NCR3LG1: variants seen among roughly 807,000 people sequenced by gnomAD.
NCR3LG1 encodes the protein natural cytotoxicity triggering receptor 3 ligand 1.
NCR3LG1 carries 35 observed loss-of-function variants against 34.8 expected under a neutral mutation model. The observed-to-expected ratio is 1.01, with a 90% CI of 0.77 to 1.33. The LOEUF (loss-of-function observed/expected upper bound fraction) is 1.33, where lower values mean the gene tolerates loss of function less well. Ranked by LOEUF, NCR3LG1 falls within the 40% of genes most tolerant of loss-of-function variation. NCR3LG1 has a pLI of 0.00. For synonymous variants in NCR3LG1, 173 were observed against 163.6 expected, an observed-to-expected ratio of 1.06 and a Z score of -0.44; for missense variants, 452 against 423.3, an observed-to-expected ratio of 1.07 and a Z score of -0.60.
At chr11:17,352,097 G>T in intron 1 of NCR3LG1, 58 bp downstream of exon 1, 2 of 1,284,686 alleles carry the variant, frequency 1.6e-6, no homozygotes, top group Non-Finnish European at 2.1e-6. Context: ...GGGTCCTCGC[G>T]GGTCGGCTCC....
chr11:17,367,089 T>C lies in NCR3LG1; in HGVS notation c.502T>C (p.Phe168Leu). The C allele has an allele frequency of 6.5e-7, 1 of 1,536,224 alleles. No individual in the cohort carries two copies. The highest frequency in any genetic ancestry group is 8.7e-7 in the Non-Finnish European group (1 of 1,146,918). The part of the protein sequence containing the change: ...EDKYMCESSG[F>L]YPEAINITWE... The stretch of plus-strand genomic sequence containing the variant: ...CAAATATATGTGTGAGTCAAGTGGG[T>C]TCTACCCAGAGGCTATTAATATAAC... Residue 168 changes from phenylalanine to leucine, a missense_variant, in exon 3 of 5, where the codon TTC becomes CTC. Physicochemically the swap from Phe to Leu is conservative, Grantham distance 22. Coordinates refer to ENST00000338965, the MANE Select transcript of NCR3LG1 (RefSeq NM_001202439.3).
intron 4 of NCR3LG1, among the ~76,000 whole-genome samples, chr11:17,369,481 G>A (rs1341624356): frequency 6.6e-6 from 1 of 152,120 alleles, no homozygotes; most frequent in Non-Finnish European, 1.5e-5. Context: ...CCCTGACTAT[G>A]GCCCAAATAG....
downstream of NCR3LG1, among the ~76,000 whole-genome samples, chr11:17,378,061 C>T (rs900681073): frequency 1.3e-5 from 2 of 152,144 alleles, no homozygotes; most frequent in African/African-American, 4.8e-5. Flanking sequence ...AAAATCAGTA[C>T]TTAATATTTC....
At position 17,372,349 on chromosome 11, in the gene NCR3LG1, A is replaced by C. The variant is rs1338366155; in HGVS notation, c.1202A>C (p.Asn401Thr). Residue 401 changes from asparagine to threonine, a missense_variant, in exon 5 of 5, where the codon AAT (asparagine) becomes ACT (threonine). By Grantham distance (65) the Asn-to-Thr change is moderately conservative. Transcript: ENST00000338965. ...ACATCAGGCAAGTCCATAGATGATA[A>C]TTCCACAAAGTCTGAGAAACAAACC... The part of the protein sequence containing the change: ...TVTSGKSIDD[N>T]STKSEKQTPR... 1 of 703,068 alleles carries C rather than the reference A, an allele frequency of 1.4e-6. No homozygotes were observed. The highest frequency in any genetic ancestry group is 2.7e-5 in the East Asian group (1 of 37,282). The allele number at this position is 703,068 out of a possible 1,614,324, so 43.6% of individuals were successfully genotyped here.
In NCR3LG1 at chr11:17,375,826, A is replaced by C. The variant is rs1953470399; in HGVS notation, c.*3314A>C. On this transcript the variant is annotated 3_prime_UTR_variant, in exon 5 of 5. Coordinates refer to ENST00000338965, the MANE Select transcript of NCR3LG1 (RefSeq NM_001202439.3). ...CCCTCTGATTTGGGAGGGCTACATA[A>C]GGGAAATAAAGCCTCAGTATTCCCC... The C allele has an allele frequency of 1.3e-5, 2 of 152,156 alleles. No individual in the cohort carries two copies. Among genetic ancestry groups the C allele is most frequent in the African/African-American group, 4.8e-5 (2 of 41,428 alleles). The allele number at this position is 152,156 out of a possible 1,614,324, so 9.4% of individuals were successfully genotyped here.
At chr11:17,379,478 G>T (rs368963350), downstream of NCR3LG1, among the ~76,000 whole-genome samples, 1 of 152,288 alleles carries the variant, frequency 6.6e-6, no homozygotes, top group East Asian at 1.9e-4. Flanking sequence ...CAGTGAAGGC[G>T]TGCCAGTTCC....
rs910764095 is a variant in NCR3LG1 at position 17,376,982 on chromosome 11, C to A, written c.*4470C>A. ...TCTGGGTAACCACCCTGACACATGGCACTATAATGTAAAAAACAACACATA... is the reference window on the plus strand; with the variant it reads ...TCTGGGTAACCACCCTGACACATGGAACTATAATGTAAAAAACAACACATA... On this transcript the variant is annotated 3_prime_UTR_variant, in exon 5 of 5. Coordinates refer to ENST00000338965, the MANE Select transcript of NCR3LG1 (RefSeq NM_001202439.3). 2 of 152,102 alleles carry A rather than the reference C, an allele frequency of 1.3e-5. No homozygotes were observed. The highest frequency in any genetic ancestry group is 1.3e-4 in the Admixed American group (2 of 15,250). The allele number at this position is 152,102 out of a possible 1,614,324, so 9.4% of individuals were successfully genotyped here.
At chr11:17,357,102 A>G in intron 2 of NCR3LG1, 101 bp downstream of exon 2, 2 of 799,372 alleles carry the variant, frequency 2.5e-6, no homozygotes, top group Non-Finnish European at 3.8e-6. Flanking sequence ...GTATTATAAA[A>G]TGGTCTGATA....
chr11:17,379,267 A>G (rs149524727), downstream of NCR3LG1, among the ~76,000 whole-genome samples: 85 of 152,324 alleles, frequency 5.6e-4, 2 homozygotes, highest in East Asian at 0.016. Context: ...CTGTAAAACT[A>G]TCAGTTTATT....
rs938030140 is a variant in NCR3LG1, at chr11:17,356,820, AT to A, written c.246del (p.Phe82LeufsTer19). On this transcript the variant is annotated frameshift_variant, in exon 2 of 5. Transcript: ENST00000338965. LOFTEE classifies it high-confidence loss of function. Reference protein sequence around the residue: ...TFDKEVKVFEFFGDHQEAFRP... With the variant: ...TFDKEVKVFEXFGDHQEAFRP... ...TTGACAAAGAAGTCAAAGTCTTTGAATTTTTTGGAGATCACCAAGAGGCATT... is the reference window on the plus strand; with the variant it reads ...TTGACAAAGAAGTCAAAGTCTTTGAATTTTTGGAGATCACCAAGAGGCATT... 17 of 1,535,984 alleles carry A rather than the reference AT, an allele frequency of 1.1e-5. No homozygotes were observed. The Admixed American group carries it at 2.9e-4, about 27-fold the overall frequency.
Position 17,356,136 on chromosome 11 carries a change from CTT to C in NCR3LG1, c.71-497_71-496del, listed in dbSNP as rs71457872. Among the ~76,000 whole-genome samples, 411 of 104,524 alleles carry C rather than the reference CTT, an allele frequency of 3.9e-3. 2 individuals carry two copies. The highest frequency in any genetic ancestry group is 0.018 in the African/African-American group (365 of 20,540). The allele number at this position is 104,524 out of a possible 152,430, so 68.6% of individuals were successfully genotyped here. A position where few individuals can be genotyped will look rare whatever the true frequency, so the allele number is the denominator to read the frequency against. Reference sequence around the variant, plus strand: ...TCTTTTTCTTTTCTTTTCTTTCTTTCTTTTTTTTTTTTTTTTTTTGAGACAGA... The same window carrying C: ...TCTTTTTCTTTTCTTTTCTTTCTTTCTTTTTTTTTTTTTTTTTGAGACAGA... On this transcript the variant is annotated intron_variant, in intron 1 of 4. Coordinates refer to ENST00000338965, the MANE Select transcript of NCR3LG1 (RefSeq NM_001202439.3).
At chr11:17,360,886 G>A (rs567494240) in intron 2 of NCR3LG1, among the ~76,000 whole-genome samples, 37 of 152,096 alleles carry the variant, frequency 2.4e-4, no homozygotes, top group Non-Finnish European at 4.3e-4. Flanking sequence ...ACAGGCTCGC[G>A]CCACCGCTCC....
At chr11:17,358,579 C>G (rs1169637576) in intron 2 of NCR3LG1, among the ~76,000 whole-genome samples, 3 of 152,168 alleles carry the variant, frequency 2.0e-5, no homozygotes, top group Non-Finnish European at 2.9e-5. Flanking sequence ...AAAAGTTACT[C>G]TTCCTCCTAT....
At chr11:17,360,340 G>A (rs1009391196) in intron 2 of NCR3LG1, among the ~76,000 whole-genome samples, 1 of 152,094 alleles carries the variant, frequency 6.6e-6, no homozygotes, top group Non-Finnish European at 1.5e-5. Flanking sequence ...TCTGTGGCTT[G>A]TCTTTTCATT....
intron 2 of NCR3LG1, among the ~76,000 whole-genome samples, chr11:17,363,509 TC>T (rs1564856849): frequency 1.8e-4 from 11 of 62,188 alleles, no homozygotes; most frequent in Admixed American, 5.2e-4. Context: ...TTTCCCTCCC[TC>T]CCTCCCTCCC....
intron 4 of NCR3LG1, among the ~76,000 whole-genome samples, 157 bp downstream of exon 4, chr11:17,369,121 G>C (rs1229453902): frequency 3.3e-5 from 5 of 152,180 alleles, no homozygotes; most frequent in Non-Finnish European, 7.4e-5. Flanking sequence ...TGTTGGCTGT[G>C]TTCCAATCCA....
intron 2 of NCR3LG1, among the ~76,000 whole-genome samples, chr11:17,358,261 G>A (rs142559595): frequency 2.0e-5 from 3 of 152,204 alleles, no homozygotes; most frequent in African/African-American, 7.2e-5. Flanking sequence ...CCAGGATCCC[G>A]TCAGAATACC....
At position 17,364,147 on chromosome 11, in the gene NCR3LG1, G is replaced by A. The variant is rs147761451; in HGVS notation, c.422-2862G>A. On this transcript the variant is annotated intron_variant, in intron 2 of 4. Transcript: ENST00000338965. ...TCCCACAGTTCTTGGCTATTCTGGG[G>A]TTTTTTTTAAATTCTTTTTTCTCCT... Among the ~76,000 whole-genome samples the A allele has an allele frequency of 6.6e-4, 100 of 151,800 alleles. 1 individual carries two copies. Among genetic ancestry groups the A allele is most frequent in the African/African-American group, 2.1e-3 (88 of 41,380 alleles).
At position 17,367,169 on chromosome 11, in the gene NCR3LG1, C is replaced by T; in HGVS notation, c.582C>T (p.Val194=). 6.5e-7 allele frequency: 1 copy of T among 1,536,576 alleles called. No homozygotes were observed. Among genetic ancestry groups the T allele is most frequent in the Non-Finnish European group, 8.7e-7 (1 of 1,147,026 alleles). The stretch of plus-strand genomic sequence containing the variant: ...ATCCCATAGAGATTTCTGAGGATGT[C>T]ATCACTGGTCCCACCATCAAGAATA... ...FPHPIEISED[V]ITGPTIKNMD... Residue 194 remains valine (V), a synonymous_variant, in exon 3 of 5, where the codon GTC becomes GTT. Coordinates refer to ENST00000338965, the MANE Select transcript of NCR3LG1 (RefSeq NM_001202439.3).
Sources: gnomAD v4.1 joint callset for allele counts (sites outside exome capture counted in the v4.1 genomes callset) on GRCh38, gnomAD v4.1.1 for gene constraint, MANE v1.5 for transcripts, NCBI Gene and HGNC (gene_info 2026-07-23, HGNC 2026-07-21) for gene names.